The following THOC2 variants were observed in gnomAD, a reference collection of about 807,000 sequenced individuals.
THOC2 encodes the protein THO complex 2.
In THOC2, 10 loss-of-function variants were observed where a neutral mutation model predicts 128.4. The observed-to-expected ratio is 0.08, with a 90% CI of 0.05 to 0.13. The LOEUF (loss-of-function observed/expected upper bound fraction) is 0.13, where lower values mean the gene tolerates loss of function less well. Ranked by LOEUF, THOC2 falls within the 10% of genes least tolerant of loss-of-function variation. The pLI, the probability that THOC2 is intolerant of heterozygous loss-of-function variation, is 1.00. For synonymous variants in THOC2, 393 were observed against 396.9 expected (o/e 0.99, Z 0.12); for missense variants, 535 against 1,155.7 (o/e 0.46, Z 7.79).
chrX:123,732,852 G>A (rs909545476), intron 1 of THOC2, 100 bp downstream of exon 1: 7 of 913,342 alleles, frequency 7.7e-6, no homozygotes, highest in African/African-American at 3.9e-5. Flanking sequence ...GGTGGGGGAG[G>A]GGGTACATCT....
chrX:123,723,642 A>G (rs1195495389), intron 1 of THOC2, among the ~76,000 whole-genome samples: 1 of 111,977 alleles, frequency 8.9e-6, no homozygotes, highest in Non-Finnish European at 1.9e-5. Flanking sequence ...CTGCAAACAT[A>G]CAATATGGAT....
At position 123,636,194 on chromosome X, in the gene THOC2, G is replaced by A. The variant is rs746865853; in HGVS notation, c.1922-19C>T. 6 of 1,126,494 alleles carry A rather than the reference G, an allele frequency of 5.3e-6. No homozygotes were observed. In the African/African-American group the frequency reaches 1.1e-4, roughly 20 times the overall value. 92.8% of individuals were successfully genotyped at this position (1,126,494 alleles called of 1,213,427 possible). ...GCCAGACCTATATAAAATAAAAAAAGAGTAAAAACAACTCATAAAACAAAA... is the reference window on the plus strand; with the variant it reads ...GCCAGACCTATATAAAATAAAAAAAAAGTAAAAACAACTCATAAAACAAAA... On this transcript the variant is annotated intron_variant, in intron 18 of 38. Transcript: ENST00000245838.
At chrX:123,655,973 G>A (rs1429960955) in intron 12 of THOC2, among the ~76,000 whole-genome samples, 1 of 108,804 alleles carries the variant, frequency 9.2e-6, no homozygotes, top group Non-Finnish European at 1.9e-5. Context: ...AGCTGAGATT[G>A]CACCACTGCA....
At chrX:123,724,993 G>A (rs975267597) in intron 1 of THOC2, among the ~76,000 whole-genome samples, 5 of 111,139 alleles carry the variant, frequency 4.5e-5, no homozygotes, top group African/African-American at 9.8e-5. Flanking sequence ...TGGGAGGATC[G>A]CCAGAGCCCA....
intron 17 of THOC2, 139 bp downstream of exon 17, chrX:123,638,792 ACAC>A (rs1376249421): frequency 9.4e-5 from 39 of 415,305 alleles, no homozygotes; most frequent in African/African-American, 4.1e-4. Flanking sequence ...ACACACACAC[ACAC>A]AATTGACTGA....
At position 123,624,675 on chromosome X, in the gene THOC2, G is replaced by T. The variant is rs1316746922; in HGVS notation, c.3058-6C>A. The T allele has an allele frequency of 4.2e-6, 5 of 1,189,768 alleles. No individual in the cohort carries two copies. Among genetic ancestry groups the T allele is most frequent in the Non-Finnish European group, 5.7e-6 (5 of 883,066 alleles). On this transcript the variant is annotated splice_region_variant and splice_polypyrimidine_tract_variant and intron_variant, in intron 25 of 38. Transcript: ENST00000245838. ...TAAATTATGTCAGAGAAAACCTACA[G>T]GAGAAAAATGTTTAAAAAATATAAA... is the stretch of plus-strand genomic sequence containing the variant.
chrX:123,603,329 T>G, intron 38 of THOC2: 1 of 213,786 alleles, frequency 4.7e-6, no homozygotes, highest in Non-Finnish European at 8.4e-6. Flanking sequence ...AATATAATCA[T>G]CCCAGTAATG....
intron 38 of THOC2, among the ~76,000 whole-genome samples, chrX:123,606,428 C>A (rs902542605): frequency 9.1e-6 from 1 of 110,450 alleles, no homozygotes; most frequent in African/African-American, 3.3e-5. Context: ...CCCGTCTATA[C>A]TGAAAATACA....
intron 7 of THOC2, among the ~76,000 whole-genome samples, chrX:123,687,405 A>G (rs1043213240): frequency 1.8e-5 from 2 of 111,894 alleles, no homozygotes; most frequent in Non-Finnish European, 3.8e-5. Flanking sequence ...CTAGTATTTT[A>G]AAATATGTAT....
chrX:123,654,389 G>C (rs945977910), intron 12 of THOC2, among the ~76,000 whole-genome samples: 3 of 108,306 alleles, frequency 2.8e-5, no homozygotes, highest in Non-Finnish European at 5.7e-5. Flanking sequence ...ATGTATCCCA[G>C]AACTTAAAGT....
chrX:123,626,630 G>A lies in THOC2; in HGVS notation c.2790C>T (p.Arg930=). The A allele has an allele frequency of 8.4e-7, 1 of 1,195,386 alleles. No homozygotes were observed. Among genetic ancestry groups the A allele is most frequent in the East Asian group, 3.0e-5 (1 of 33,252 alleles). The change falls in exon 24 of 39, where the codon CGC becomes CGT. Residue 930 remains arginine, a synonymous_variant. Coordinates refer to ENST00000245838, the MANE Select transcript of THOC2 (RefSeq NM_001081550.2). ...GAAGCTTGTCCTGAAGGGCAGTACA[G>A]CGCTCCTTCTCTTTTTTCTTTTTAT... ...PPNKKKKEKE[R]CTALQDKLLE...
At chrX:123,706,510 T>C (rs1468031727) in intron 3 of THOC2, among the ~76,000 whole-genome samples, 3 of 77,760 alleles carry the variant, frequency 3.9e-5, no homozygotes, top group African/African-American at 1.5e-4. Context: ...CCTAATGTTA[T>C]CCCTCCCCCC....
In THOC2 at chrX:123,706,844, A is replaced by G; in HGVS notation, c.222+14T>C. 1 of 930,510 alleles carries G rather than the reference A, an allele frequency of 1.1e-6. No individual in the cohort carries two copies. Among genetic ancestry groups the G allele is most frequent in the Non-Finnish European group, 1.5e-6 (1 of 689,589 alleles). The allele number at this position is 930,510 out of a possible 1,213,427, so 76.7% of individuals were successfully genotyped here. On this transcript the variant is annotated intron_variant, in intron 3 of 38. Transcript: ENST00000245838. Reference sequence around the variant, plus strand: ...ATAACAACTATTAACTTAAAAAAATATATACATACTTACACTAATGTCACT... The same window carrying G: ...ATAACAACTATTAACTTAAAAAAATGTATACATACTTACACTAATGTCACT...
At position 123,648,097 on chromosome X, in the gene THOC2, C is replaced by A. The variant is rs1397638475; in HGVS notation, c.1387-2722G>T. Among the ~76,000 whole-genome samples, 3 of 111,044 alleles carry A rather than the reference C, an allele frequency of 2.7e-5. No homozygotes were observed. In the East Asian group the frequency reaches 8.6e-4, roughly 32 times the overall value. On this transcript the variant is annotated intron_variant, in intron 12 of 38. Coordinates refer to ENST00000245838, the MANE Select transcript of THOC2 (RefSeq NM_001081550.2). The stretch of plus-strand genomic sequence containing the variant: ...AGGTGAATGATTTCTGCATTTCCAA[C>A]TGAGGTACCCGGCTCATCTCAGTGG...
At chrX:123,661,440 A>C (rs1227405163) in intron 12 of THOC2, among the ~76,000 whole-genome samples, 2 of 110,255 alleles carry the variant, frequency 1.8e-5, no homozygotes, top group African/African-American at 3.3e-5. Flanking sequence ...AAAAAAACCC[A>C]AAAAAACAAA....
intron 6 of THOC2, among the ~76,000 whole-genome samples, 200 bp from the exon 7 acceptor site, chrX:123,696,354 T>C (rs1256535779): frequency 1.8e-5 from 2 of 111,191 alleles, no homozygotes; most frequent in Non-Finnish European, 3.8e-5. Context: ...ATTAATTACA[T>C]AGGGAAAACC....
intron 12 of THOC2, among the ~76,000 whole-genome samples, chrX:123,663,239 A>C (rs2048914396): frequency 8.9e-6 from 1 of 111,998 alleles, no homozygotes. Flanking sequence ...GTAATAAAAT[A>C]TCACTCAGCA....
At chrX:123,645,294 CA>C in intron 13 of THOC2, 39 bp downstream of exon 13, 1 of 990,496 alleles carries the variant, frequency 1.0e-6, no homozygotes, top group Non-Finnish European at 1.4e-6. Context: ...TGTAGCAAGA[CA>C]AACATTAGAC....
rs939902017 is a variant in THOC2, at chrX:123,655,805, A to G, written c.1386+9837T>C. 3.6e-5 allele frequency among the ~76,000 whole-genome samples: 4 copies of G among 111,771 alleles called. No homozygotes were observed. The East Asian group carries it at 8.3e-4, about 23-fold the overall frequency. On this transcript the variant is annotated intron_variant, in intron 12 of 38. Transcript: ENST00000245838. ...GCTTTTACCAAGCGCCAACGTATGA[A>G]ATAGCCACATATACAGTCTTTCTAG... is the stretch of plus-strand genomic sequence containing the variant.
Sources: allele counts gnomAD v4.1 joint callset (sites outside exome capture counted in the v4.1 genomes callset), GRCh38; gene constraint gnomAD v4.1.1; transcripts MANE v1.5; gene names NCBI Gene and HGNC (gene_info 2026-07-23, HGNC 2026-07-21).